The following TP53I13 variants were observed in gnomAD, a reference collection of about 807,000 sequenced individuals.
TP53I13 encodes the protein tumor protein p53-inducible protein 13.
In TP53I13, 27 loss-of-function variants were observed where a neutral mutation model predicts 39.1. The ratio of observed to expected loss-of-function variants is 0.69; its 90% CI spans 0.51 to 0.95. TP53I13 has a LOEUF of 0.95. Among genes scored for constraint, TP53I13 ranks in the 40% least tolerant of loss-of-function variants. The pLI is 0.00. For synonymous variants in TP53I13, 230 were observed against 224.6 expected, an observed-to-expected ratio of 1.02 and a Z score of -0.22; for missense variants, 544 against 520.4, an observed-to-expected ratio of 1.05 and a Z score of -0.44.
chr17:29,569,418 A>G, intron 3 of TP53I13, 59 bp downstream of exon 3: 1 of 1,564,504 alleles, frequency 6.4e-7, no homozygotes, highest in Non-Finnish European at 8.7e-7. Flanking sequence ...AGGCGCTCCT[A>G]GCAGGCTTCG....
the TP53I13 span, chr17:29,578,841 A>G: frequency 1.9e-6 from 3 of 1,574,544 alleles, no homozygotes; most frequent in Non-Finnish European, 1.7e-6. Flanking sequence ...GGCCAGGCCC[A>G]TGCCAGCAAC....
chr17:29,577,974 AGTTT>A (rs2033271119), downstream of TP53I13, among the ~76,000 whole-genome samples: 1 of 152,192 alleles, frequency 6.6e-6, no homozygotes, highest in African/African-American at 2.4e-5. Flanking sequence ...CCAAACCCAG[AGTTT>A]GGGCTGGAAT....
At chr17:29,571,834 C>G in intron 4 of TP53I13, 23 bp from the exon 5 acceptor site, 2 of 1,613,258 alleles carry the variant, frequency 1.2e-6, no homozygotes, top group Non-Finnish European at 1.7e-6. Context: ...CCTCGTAGCT[C>G]TAACAGTTAC....
the TP53I13 span, chr17:29,578,414 T>C: frequency 6.3e-7 from 1 of 1,575,612 alleles, no homozygotes; most frequent in Non-Finnish European, 8.7e-7. Flanking sequence ...ATGCATCGGC[T>C]CCCAGTGCCA....
At chr17:29,576,322 A>G (rs2150826517), downstream of TP53I13, 2 of 1,613,096 alleles carry the variant, frequency 1.2e-6, no homozygotes, top group East Asian at 2.2e-5. Context: ...AGGCCTGGCG[A>G]TCCCTGCGGT....
At chr17:29,575,221 T>G (rs577598394), downstream of TP53I13, 65 of 1,558,272 alleles carry the variant, frequency 4.2e-5, no homozygotes, top group South Asian at 6.7e-4. The surrounding 1 kb of genome is among the most constrained non-coding windows in gnomAD (Gnocchi z 5.5). Context: ...GGGCCCCTCA[T>G]GCTCTCTGCA....
At position 29,572,413 on chromosome 17, in the gene TP53I13, A is replaced by G; in HGVS notation, c.785A>G (p.Asn262Ser). The G allele has an allele frequency of 6.3e-7, 1 of 1,591,350 alleles. No individual in the cohort carries two copies. The highest frequency in any genetic ancestry group is 8.6e-7 in the Non-Finnish European group (1 of 1,165,222). Residue 262 changes from asparagine to serine, a missense_variant, in exon 6 of 7, where the codon AAT becomes AGT. Asn to Ser is a conservative substitution (Grantham distance 46). Coordinates refer to ENST00000301057, the MANE Select transcript of TP53I13 (RefSeq NM_138349.4). ...VSLLPGAPGG[N>S]ASSRTEAQVP... is the part of the protein sequence containing the mutation. ...CTGCTGCCGGGGGCGCCTGGAGGCAATGCCAGCTCCAGGACAGAGGCTCAG... is the reference window on the plus strand; with the variant it reads ...CTGCTGCCGGGGGCGCCTGGAGGCAGTGCCAGCTCCAGGACAGAGGCTCAG...
At chr17:29,580,391 GC>G in the TP53I13 span, among the ~76,000 whole-genome samples, 1 of 152,250 alleles carries the variant, frequency 6.6e-6, no homozygotes, top group African/African-American at 2.4e-5. Flanking sequence ...ATGCCCATCT[GC>G]CCACACAGGC....
intron 3 of TP53I13, 79 bp downstream of exon 3, chr17:29,569,438 C>G (rs1169060436): frequency 7.0e-6 from 10 of 1,423,176 alleles, no homozygotes; most frequent in African/African-American, 5.6e-5. Flanking sequence ...GCTGCCTGTT[C>G]TGCTGATCGG....
downstream of TP53I13, chr17:29,576,980 A>C (rs144787773): frequency 3.9e-4 from 621 of 1,602,804 alleles, no homozygotes; most frequent in Non-Finnish European, 5.0e-4. Flanking sequence ...GGCTCCGCAG[A>C]GACAGCTCGA....
rs374734172 is a variant in TP53I13 at position 29,572,290 on chromosome 17, G to A, written c.662G>A (p.Arg221Lys). Residue 221 changes from arginine to lysine, a missense_variant, in exon 6 of 7, where the codon AGG becomes AAG. By Grantham distance (26) the Arg-to-Lys change is conservative (BLOSUM62 2). Coordinates refer to ENST00000301057, the MANE Select transcript of TP53I13 (RefSeq NM_138349.4). ...LGPQPTRSALRFPSASPGSLK... is the reference protein window; with the variant it reads ...LGPQPTRSALKFPSASPGSLK... Reference sequence around the variant, plus strand: ...CCCCAGCCCACTCGCTCAGCCCTGAGGTTTCCCTCTGCTTCCCCAGGGAGC... The same window carrying A: ...CCCCAGCCCACTCGCTCAGCCCTGAAGTTTCCCTCTGCTTCCCCAGGGAGC... 6.2e-7 allele frequency: 1 copy of A among 1,612,810 alleles called. No homozygotes were observed. Among genetic ancestry groups the A allele is most frequent in the East Asian group, 2.2e-5 (1 of 44,882 alleles).
the TP53I13 span, among the ~76,000 whole-genome samples, chr17:29,580,689 G>A: frequency 6.6e-6 from 1 of 152,034 alleles, no homozygotes; most frequent in Non-Finnish European, 1.5e-5. Flanking sequence ...AAGAGCAGAG[G>A]CTTCTCTAAA....
In TP53I13 at chr17:29,568,886, A is replaced by G. The variant is rs1182327445; in HGVS notation, c.72+56A>G. 1.9e-6 allele frequency: 3 copies of G among 1,598,978 alleles called. No homozygotes were observed. The highest frequency in any genetic ancestry group is 1.7e-5 in the Admixed American group (1 of 59,842). On this transcript the variant is annotated intron_variant, in intron 1 of 6. Transcript: ENST00000301057. The surrounding 1 kb of genome is among the most constrained non-coding windows in gnomAD (Gnocchi z 4.5). ...GCCCGCGAGCTCAAAGCGCTTTGCC[A>G]AAAGTTCGTCCTGGAAGGAGTGGCG...
the TP53I13 span, chr17:29,581,891 C>G: frequency 6.2e-7 from 1 of 1,605,088 alleles, no homozygotes; most frequent in Non-Finnish European, 8.5e-7. This position sits in a 1 kb window ranked among gnomAD's most constrained non-coding sequence, Gnocchi z 4.8. Flanking sequence ...CCCACACCCC[C>G]ACCCACCCAC....
chr17:29,575,770 G>A (rs765038035), downstream of TP53I13: 76 of 1,607,088 alleles, frequency 4.7e-5, no homozygotes, highest in Middle Eastern at 1.6e-4. The surrounding 1 kb of genome is among the most constrained non-coding windows in gnomAD (Gnocchi z 5.5). Flanking sequence ...TAGCCCACAC[G>A]GCCCCCAGCC....
chr17:29,581,170 C>A, the TP53I13 span: 1 of 631,114 alleles, frequency 1.6e-6, no homozygotes, highest in South Asian at 1.8e-5. This position sits in a 1 kb window ranked among gnomAD's most constrained non-coding sequence, Gnocchi z 4.8. Flanking sequence ...ACATTTTTTA[C>A]CTGCCTTGGG....
chr17:29,579,026 CAG>C, the TP53I13 span: 1 of 1,605,570 alleles, frequency 6.2e-7, no homozygotes, highest in Non-Finnish European at 8.5e-7. Flanking sequence ...AAGAACAGGA[CAG>C]AGGCGGCAGT....
At chr17:29,566,397 G>A (rs1232389290), upstream of TP53I13, 3 of 1,611,596 alleles carry the variant, frequency 1.9e-6, no homozygotes, top group East Asian at 4.5e-5. Flanking sequence ...GGCGATGGAA[G>A]ATGACCGGGT....
the TP53I13 span, among the ~76,000 whole-genome samples, chr17:29,579,659 G>C: frequency 2.6e-5 from 4 of 151,900 alleles, no homozygotes; most frequent in African/African-American, 9.7e-5. Flanking sequence ...ATCGTTTGAG[G>C]CTGTGGTAAG....
Sources: gnomAD v4.1 joint callset for allele counts (sites outside exome capture counted in the v4.1 genomes callset) on GRCh38, gnomAD v4.1.1 for gene constraint, Gnocchi (gnomAD v3.1) non-coding constraint, MANE v1.5 for transcripts, NCBI Gene and HGNC (gene_info 2026-07-23, HGNC 2026-07-21) for gene names.